UBTD2: variants seen among roughly 807,000 people sequenced by gnomAD.
The protein encoded by UBTD2 is ubiquitin domain containing 2.
In UBTD2, 9 loss-of-function variants were observed where a neutral mutation model predicts 19.8. The observed-to-expected ratio is 0.46, with a 90% CI of 0.27 to 0.79. The LOEUF (loss-of-function observed/expected upper bound fraction) is 0.79. Ranked by LOEUF, UBTD2 falls within the 30% of genes least tolerant of loss-of-function variation. The pLI, the probability that UBTD2 is intolerant of heterozygous loss-of-function variation, is 0.14. For missense variants in UBTD2, 250 were observed against 300.4 expected, an observed-to-expected ratio of 0.83 and a Z score of 1.24; for synonymous variants, 98 against 103.9, an observed-to-expected ratio of 0.94 and a Z score of 0.35.
At chr5:172,226,581 A>T (rs1771770425) in intron 2 of UBTD2, among the ~76,000 whole-genome samples, 1 of 152,232 alleles carries the variant, frequency 6.6e-6, no homozygotes, top group African/African-American at 2.4e-5. Context: ...AATGTCACAA[A>T]GGATCAAGGT....
intron 1 of UBTD2, among the ~76,000 whole-genome samples, chr5:172,278,280 TA>T (rs564530688): frequency 6.8e-5 from 10 of 147,134 alleles, no homozygotes; most frequent in Admixed American, 2.0e-4. Flanking sequence ...GATGAATGGA[TA>T]AAAAAAAAAG....
At chr5:172,247,717 C>G (rs768369346) in intron 1 of UBTD2, among the ~76,000 whole-genome samples, 1 of 152,132 alleles carries the variant, frequency 6.6e-6, no homozygotes. Context: ...AAGGGAGATA[C>G]AGTTCTACAA....
intron 2 of UBTD2, among the ~76,000 whole-genome samples, chr5:172,233,089 C>T (rs1771937251): frequency 6.6e-6 from 1 of 152,046 alleles, no homozygotes; most frequent in Non-Finnish European, 1.5e-5. Context: ...CTCCAGCCTG[C>T]TGGGCGACAG....
intron 1 of UBTD2, among the ~76,000 whole-genome samples, chr5:172,264,599 C>T (rs1236457765): frequency 6.7e-6 from 1 of 149,702 alleles, no homozygotes; most frequent in Non-Finnish European, 1.5e-5. Flanking sequence ...AGGGGCTAGG[C>T]ACACACCGTG....
Position 172,234,178 on chromosome 5 carries a change from T to C in UBTD2, c.251A>G (p.Asn84Ser), listed in dbSNP as rs2113893692. 3 of 1,614,192 alleles carry C rather than the reference T, an allele frequency of 1.9e-6. No homozygotes were observed. The highest frequency in any genetic ancestry group is 1.6e-4 in the Middle Eastern group (1 of 6,062). The stretch of plus-strand genomic sequence containing the variant: ...GATTGCTTGTGCCAGTTCATGATCA[T>C]TGCTCTCAAAAGCATGTGCAGCAGC... ...LKAAAHAFESNDHELAQAIID... is the reference protein window; with the variant it reads ...LKAAAHAFESSDHELAQAIID... The change falls in exon 2 of 3, where the codon AAT (asparagine) becomes AGT (serine). Residue 84 changes from asparagine to serine, a missense_variant. Transcript: ENST00000393792.
At chr5:172,279,172 T>C (rs1444661965) in intron 1 of UBTD2, among the ~76,000 whole-genome samples, 1 of 152,262 alleles carries the variant, frequency 6.6e-6, no homozygotes, top group Admixed American at 6.5e-5. Context: ...CTGCCAGTTA[T>C]AAGCTATGTG....
intron 1 of UBTD2, among the ~76,000 whole-genome samples, chr5:172,282,224 G>T (rs1345361949): frequency 6.6e-6 from 1 of 152,118 alleles, no homozygotes; most frequent in Non-Finnish European, 1.5e-5. Context: ...TTAACCCAAG[G>T]CTGTTTTAAA....
intron 1 of UBTD2, among the ~76,000 whole-genome samples, chr5:172,278,782 T>C (rs1755656012): frequency 1.3e-5 from 2 of 152,134 alleles, no homozygotes; most frequent in Non-Finnish European, 2.9e-5. Context: ...TTATTTTTAT[T>C]TATTTATTTT....
At chr5:172,246,358 T>TA (rs1285900853) in intron 1 of UBTD2, among the ~76,000 whole-genome samples, 1 of 149,168 alleles carries the variant, frequency 6.7e-6, no homozygotes. Flanking sequence ...AAACACATAA[T>TA]ACAATGTCAG....
At chr5:172,248,923 G>C (rs1321213221) in intron 1 of UBTD2, among the ~76,000 whole-genome samples, 2 of 151,290 alleles carry the variant, frequency 1.3e-5, no homozygotes, top group Non-Finnish European at 2.9e-5. Context: ...GGGTCACGGA[G>C]AGAGGGCCTG....
intron 1 of UBTD2, chr5:172,242,275 G>T: frequency 3.6e-6 from 2 of 556,604 alleles, no homozygotes; most frequent in Non-Finnish European, 4.6e-6. Context: ...CAAACAGTCA[G>T]ATTAACACAC....
intron 1 of UBTD2, among the ~76,000 whole-genome samples, chr5:172,251,323 A>AAAAAAAAAG (rs1370589248): frequency 6.6e-5 from 10 of 151,762 alleles, no homozygotes; most frequent in African/African-American, 1.9e-4. Flanking sequence ...TCAAAAAAAA[A>AAAAAAAAAG]AAAGAAAATA....
intron 1 of UBTD2, among the ~76,000 whole-genome samples, chr5:172,246,150 T>G (rs1754877405): frequency 6.6e-6 from 1 of 152,150 alleles, no homozygotes; most frequent in Non-Finnish European, 1.5e-5. Flanking sequence ...GAAAGGGAAC[T>G]CTCTTGAAAC....
At chr5:172,274,559 G>A (rs1755569325) in intron 1 of UBTD2, among the ~76,000 whole-genome samples, 2 of 152,200 alleles carry the variant, frequency 1.3e-5, no homozygotes, top group South Asian at 2.1e-4. Context: ...AAGTACACTG[G>A]ACATTCTTGG....
At chr5:172,227,805 C>T (rs1424042706) in intron 2 of UBTD2, among the ~76,000 whole-genome samples, 1 of 150,376 alleles carries the variant, frequency 6.6e-6, no homozygotes, top group South Asian at 2.1e-4. Context: ...CTCAGCCTCC[C>T]GAGTAGCTGG....
intron 2 of UBTD2, among the ~76,000 whole-genome samples, chr5:172,228,548 C>T (rs1289602039): frequency 6.6e-6 from 1 of 152,030 alleles, no homozygotes; most frequent in Non-Finnish European, 1.5e-5. Flanking sequence ...TGGTGAAACC[C>T]GGTCTCTACT....
At chr5:172,267,587 A>C (rs1755402262) in intron 1 of UBTD2, among the ~76,000 whole-genome samples, 1 of 152,214 alleles carries the variant, frequency 6.6e-6, no homozygotes, top group Admixed American at 6.5e-5. Flanking sequence ...AAGTCATAAC[A>C]CTGCTTGACA....
intron 1 of UBTD2, among the ~76,000 whole-genome samples, chr5:172,237,665 GA>G (rs1188455980): frequency 1.3e-5 from 2 of 152,086 alleles, no homozygotes; most frequent in Middle Eastern, 3.4e-3. Flanking sequence ...AAATAACTGG[GA>G]AAAAAATTAG....
intron 1 of UBTD2, among the ~76,000 whole-genome samples, chr5:172,240,973 A>G (rs1415846094): frequency 1.3e-5 from 2 of 152,064 alleles, no homozygotes; most frequent in African/African-American, 4.8e-5. Flanking sequence ...ACATGAGACC[A>G]CTGCAACTTT....
Sources: allele counts gnomAD v4.1 joint callset (sites outside exome capture counted in the v4.1 genomes callset), GRCh38; gene constraint gnomAD v4.1.1; transcripts MANE v1.5; gene names NCBI Gene and HGNC (gene_info 2026-07-23, HGNC 2026-07-21).